Variants in ELMO1 observed in about 807,000 individuals in gnomAD.
ELMO1 encodes the protein engulfment and cell motility 1.
In ELMO1, 26 loss-of-function variants were observed where a neutral mutation model predicts 98.9. That is an observed-to-expected ratio of 0.26 (90% CI 0.19 to 0.36). The LOEUF (loss-of-function observed/expected upper bound fraction) is 0.36. Ranked by LOEUF, ELMO1 falls within the 10% of genes least tolerant of loss-of-function variation. The pLI is 1.00. For missense variants in ELMO1, 627 were observed against 935.2 expected, an observed-to-expected ratio of 0.67 and a Z score of 4.30; for synonymous variants, 346 against 346.0, an observed-to-expected ratio of 1.00 and a Z score of 0.00.
chr7:37,416,271 A>G (rs1804209010), intron 1 of ELMO1, among the ~76,000 whole-genome samples: 1 of 152,248 alleles, frequency 6.6e-6, no homozygotes, highest in Admixed American at 6.5e-5. Flanking sequence ...AGCAGGGAAG[A>G]AAATAGCAAT....
intron 14 of ELMO1, among the ~76,000 whole-genome samples, chr7:37,099,011 A>G (rs113034862): frequency 6.6e-6 from 1 of 152,246 alleles, no homozygotes. Flanking sequence ...CATACACTGT[A>G]GGTAGAATTA....
At chr7:37,260,966 C>T (rs1158874861) in intron 5 of ELMO1, among the ~76,000 whole-genome samples, 5 of 152,276 alleles carry the variant, frequency 3.3e-5, no homozygotes, top group African/African-American at 9.6e-5. Flanking sequence ...TAATAGTTAA[C>T]CCAAGCAAAT....
chr7:37,218,902 A>C (rs1011977084), intron 10 of ELMO1, among the ~76,000 whole-genome samples: 2 of 152,234 alleles, frequency 1.3e-5, no homozygotes, highest in African/African-American at 4.8e-5. Context: ...AAATCTTTTA[A>C]CTAACAAGTT....
intron 18 of ELMO1, among the ~76,000 whole-genome samples, chr7:36,883,039 G>A (rs1227560721): frequency 6.6e-6 from 1 of 152,100 alleles, no homozygotes; most frequent in Non-Finnish European, 1.5e-5. Flanking sequence ...CCCACAACAG[G>A]GCAATATGGT....
At chr7:37,415,412 A>T (rs770829069) in intron 1 of ELMO1, among the ~76,000 whole-genome samples, 31 of 152,214 alleles carry the variant, frequency 2.0e-4, no homozygotes, top group Non-Finnish European at 4.3e-4. Flanking sequence ...GTTTAAGAGC[A>T]TAGTTCCAGA....
intron 1 of ELMO1, among the ~76,000 whole-genome samples, chr7:37,432,278 T>C (rs1184016947): frequency 6.6e-6 from 1 of 152,142 alleles, no homozygotes; most frequent in Non-Finnish European, 1.5e-5. Flanking sequence ...AATGAATAAT[T>C]GGAATAGGTA....
intron 4 of ELMO1, among the ~76,000 whole-genome samples, chr7:37,296,314 G>A (rs1257918575): frequency 2.0e-5 from 3 of 152,084 alleles, no homozygotes; most frequent in Non-Finnish European, 2.9e-5. Flanking sequence ...TCTCAGCTCT[G>A]AGAGGTTGAT....
At chr7:37,400,994 G>C (rs1172965916) in intron 1 of ELMO1, among the ~76,000 whole-genome samples, 1 of 152,146 alleles carries the variant, frequency 6.6e-6, no homozygotes, top group African/African-American at 2.4e-5. Flanking sequence ...TCTTAGAATT[G>C]AAAGAGACAT....
chr7:36,893,415 T>C (rs1805724573), intron 17 of ELMO1, among the ~76,000 whole-genome samples: 1 of 152,092 alleles, frequency 6.6e-6, no homozygotes, highest in African/African-American at 2.4e-5. Flanking sequence ...CAAGGCTAGC[T>C]GGTGCTCATG....
rs190477843 is a variant in ELMO1 at position 37,249,161 on chromosome 7, T to C, written c.414-4770A>G. Among the ~76,000 whole-genome samples the C allele has an allele frequency of 7.9e-5, 12 of 152,266 alleles. No individual in the cohort carries two copies. The East Asian group carries it at 1.9e-3, about 24-fold the overall frequency. The stretch of plus-strand genomic sequence containing the variant: ...AGCTATACCTCAGTTTTCACAACAT[T>C]CAGAAAATGAAAACACCTCTGGTTC... On this transcript the variant is annotated intron_variant, in intron 6 of 21. Transcript: ENST00000310758.
At chr7:37,166,387 A>T (rs893637401) in intron 13 of ELMO1, among the ~76,000 whole-genome samples, 1 of 151,846 alleles carries the variant, frequency 6.6e-6, no homozygotes, top group South Asian at 2.1e-4. Flanking sequence ...TAGCTTTTGA[A>T]TGTGTTTGCT....
chr7:36,954,943 A>G (rs1250869337), intron 16 of ELMO1, among the ~76,000 whole-genome samples: 1 of 152,338 alleles, frequency 6.6e-6, no homozygotes. Flanking sequence ...AAGCTTGAGA[A>G]GCATTCAGTG....
At chr7:37,143,249 A>G (rs1048110195) in intron 13 of ELMO1, among the ~76,000 whole-genome samples, 2 of 151,838 alleles carry the variant, frequency 1.3e-5, no homozygotes, top group Non-Finnish European at 1.5e-5. Flanking sequence ...TTTCAGAGCC[A>G]GTTATGTGGC....
rs115100652 is a variant in ELMO1, at chr7:37,258,983, A to G, written c.413+198T>C. Among the ~76,000 whole-genome samples, 472 of 151,756 alleles carry G rather than the reference A, an allele frequency of 3.1e-3. 6 individuals carry two copies. Among genetic ancestry groups the G allele is most frequent in the African/African-American group, 0.011 (453 of 41,358 alleles). ...ATTTCTATTTTGTCTCAGATACTAGATGGTGGTGGGCAAAGGATGGAGAAC... is the reference window on the plus strand; with the variant it reads ...ATTTCTATTTTGTCTCAGATACTAGGTGGTGGTGGGCAAAGGATGGAGAAC... On this transcript the variant is annotated intron_variant, in intron 6 of 21. Transcript: ENST00000310758.
intron 16 of ELMO1, chr7:36,986,005 C>T: frequency 3.0e-6 from 3 of 1,002,674 alleles, no homozygotes; most frequent in Non-Finnish European, 3.6e-6. Flanking sequence ...GAGTCGTCCC[C>T]CTGAAGAACA....
chr7:37,251,625 T>C (rs926270114), intron 6 of ELMO1, among the ~76,000 whole-genome samples: 1 of 152,180 alleles, frequency 6.6e-6, no homozygotes, highest in Non-Finnish European at 1.5e-5. Flanking sequence ...GCCAATATCA[T>C]ACTGAATGAG....
intron 6 of ELMO1, 116 bp downstream of exon 6, chr7:37,259,065 A>T: frequency 8.3e-7 from 1 of 1,203,428 alleles, no homozygotes. Context: ...TTTTTTCCTG[A>T]GTCTAACCAA....
chr7:37,264,287 A>G (rs1796134297), intron 5 of ELMO1, among the ~76,000 whole-genome samples: 1 of 144,766 alleles, frequency 6.9e-6, no homozygotes, highest in Non-Finnish European at 1.5e-5. Flanking sequence ...ACACATATAT[A>G]TATGAATGCA....
At chr7:37,399,770 C>G (rs950244537) in intron 1 of ELMO1, among the ~76,000 whole-genome samples, 4 of 152,244 alleles carry the variant, frequency 2.6e-5, no homozygotes, top group East Asian at 3.9e-4. Context: ...TTCAAGGGAC[C>G]ATTTCCTGTA....
Sources: gnomAD v4.1 joint callset for allele counts (sites outside exome capture counted in the v4.1 genomes callset) on GRCh38, gnomAD v4.1.1 for gene constraint, MANE v1.5 for transcripts, NCBI Gene and HGNC (gene_info 2026-07-23, HGNC 2026-07-21) for gene names.